Variants in ZC3H12B observed in about 807,000 individuals in gnomAD.
ZC3H12B encodes the protein zinc finger CCCH-type containing 12B.
In ZC3H12B, 7 loss-of-function variants were observed where a neutral mutation model predicts 43.9. The observed-to-expected ratio is 0.16, with a 90% CI of 0.09 to 0.30. The LOEUF (loss-of-function observed/expected upper bound fraction) is 0.30, where lower values mean the gene tolerates loss of function less well. Ranked by LOEUF, ZC3H12B falls within the 10% of genes least tolerant of loss-of-function variation. The pLI is 1.00. For missense variants in ZC3H12B, 475 were observed against 670.2 expected (o/e 0.71, Z 3.22); for synonymous variants, 222 against 241.7 (o/e 0.92, Z 0.76).
chrX:65,183,026 G>T, the ZC3H12B span, among the ~76,000 whole-genome samples: 1 of 111,704 alleles, frequency 9.0e-6, no homozygotes, highest in African/African-American at 3.2e-5. Context: ...ATTTCTCAAA[G>T]AACTTAAAAC....
At chrX:65,135,751 T>TTTTC in the ZC3H12B span, among the ~76,000 whole-genome samples, 53 of 78,263 alleles carry the variant, frequency 6.8e-4, no homozygotes, top group African/African-American at 3.3e-3. Flanking sequence ...GTTTGTTTTC[T>TTTTC]TTTTTTTTTT....
intron 3 of ZC3H12B, among the ~76,000 whole-genome samples, chrX:65,443,727 C>A (rs2067336881): frequency 8.9e-6 from 1 of 112,288 alleles, no homozygotes; most frequent in Admixed American, 9.4e-5. Flanking sequence ...TTCCTGTAAA[C>A]CCACAACCTT....
chrX:65,187,566 G>C, the ZC3H12B span, among the ~76,000 whole-genome samples: 1 of 110,728 alleles, frequency 9.0e-6, no homozygotes, highest in Non-Finnish European at 1.9e-5. Context: ...ATTTAGTCAA[G>C]TCTATGGTAG....
chrX:65,476,960 T>C (rs1323781298), intron 3 of ZC3H12B, among the ~76,000 whole-genome samples: 2 of 107,886 alleles, frequency 1.9e-5, no homozygotes, highest in African/African-American at 6.8e-5. Context: ...TAGCTGGGAC[T>C]ACAGACATGC....
the ZC3H12B span, among the ~76,000 whole-genome samples, chrX:65,314,534 G>C: frequency 2.7e-5 from 3 of 111,861 alleles, no homozygotes; most frequent in Non-Finnish European, 3.8e-5. Flanking sequence ...TATCCATCCA[G>C]AATTTTATAT....
the ZC3H12B span, among the ~76,000 whole-genome samples, chrX:65,259,498 C>T: frequency 9.0e-6 from 1 of 111,469 alleles, no homozygotes; most frequent in East Asian, 2.8e-4. Context: ...GGATATAGGA[C>T]CTACCAAAGA....
the ZC3H12B span, among the ~76,000 whole-genome samples, chrX:65,162,672 A>T: frequency 1.8e-5 from 2 of 111,101 alleles, no homozygotes; most frequent in African/African-American, 3.3e-5. Flanking sequence ...ATTCGTCTAA[A>T]TTTTTTTCAA....
rs1207198844 is a variant in ZC3H12B at position 65,393,349 on chromosome X, G to A, written n.296-5244G>A. 9.0e-5 allele frequency among the ~76,000 whole-genome samples: 10 copies of A among 111,613 alleles called. No homozygotes were observed. The East Asian group carries it at 1.4e-3, about 16-fold the overall frequency. On this transcript the variant is annotated intron_variant and non_coding_transcript_variant, in intron 2 of 5. Coordinates refer to the ZC3H12B transcript ENST00000617377. ...CTTAACGTGCAGGTTTGTTACATAG[G>A]TATACATGTGCCATGGTGGTTTGCT... is the stretch of plus-strand genomic sequence containing the variant.
At chrX:65,181,316 G>T in the ZC3H12B span, among the ~76,000 whole-genome samples, 2 of 111,414 alleles carry the variant, frequency 1.8e-5, no homozygotes, top group Non-Finnish European at 3.8e-5. Context: ...AGAAAACCTA[G>T]GCAATACCAT....
exon 2 of ZC3H12B, chrX:65,497,234 G>T: frequency 8.3e-7 from 1 of 1,211,246 alleles, no homozygotes; most frequent in Non-Finnish European, 1.1e-6. Context: ...TGCCTGCATG[G>T]AGAAAGGAGC....
chrX:65,485,526 G>T (rs998716184), upstream of ZC3H12B, among the ~76,000 whole-genome samples: 1 of 112,684 alleles, frequency 8.9e-6, no homozygotes, highest in East Asian at 2.8e-4. Flanking sequence ...AAAGCGCTGG[G>T]ATTATAGGCT....
At chrX:65,162,880 T>C in the ZC3H12B span, among the ~76,000 whole-genome samples, 1 of 112,233 alleles carries the variant, frequency 8.9e-6, no homozygotes, top group Non-Finnish European at 1.9e-5. Context: ...GCTCTGTTTT[T>C]TCCCCATCTG....
chrX:65,202,428 G>A, the ZC3H12B span, among the ~76,000 whole-genome samples: 2 of 108,433 alleles, frequency 1.8e-5, no homozygotes, highest in Admixed American at 1.0e-4. Flanking sequence ...CTAAGGTTTT[G>A]GTCATTGCAG....
chrX:65,504,915 G>A (rs1602549111), exon 5 of ZC3H12B: 2 of 112,496 alleles, frequency 1.8e-5, no homozygotes, highest in African/African-American at 6.5e-5. Context: ...TTTACTAATA[G>A]CTGGCTCAGT....
chrX:65,228,599 T>C, the ZC3H12B span, among the ~76,000 whole-genome samples: 6 of 111,694 alleles, frequency 5.4e-5, no homozygotes, highest in Non-Finnish European at 1.1e-4. Flanking sequence ...AAATTGTCCC[T>C]GTTTGCAGAT....
chrX:65,119,191 T>A, the ZC3H12B span, among the ~76,000 whole-genome samples: 1 of 111,372 alleles, frequency 9.0e-6, no homozygotes, highest in Non-Finnish European at 1.9e-5. Context: ...GGTCAAATGG[T>A]ATTTCTAGTT....
At chrX:65,430,983 G>T (rs1416363909) in intron 3 of ZC3H12B, among the ~76,000 whole-genome samples, 1 of 111,915 alleles carries the variant, frequency 8.9e-6, no homozygotes, top group Non-Finnish European at 1.9e-5. Flanking sequence ...GAGTGCCATG[G>T]ACTGCAGCTG....
At chrX:65,318,625 G>A in the ZC3H12B span, among the ~76,000 whole-genome samples, 1 of 110,704 alleles carries the variant, frequency 9.0e-6, no homozygotes, top group Non-Finnish European at 1.9e-5. Flanking sequence ...TCACCATGTT[G>A]ACCAGGCTCG....
At chrX:65,102,569 AC>A in the ZC3H12B span, among the ~76,000 whole-genome samples, 6 of 112,188 alleles carry the variant, frequency 5.3e-5, no homozygotes, top group East Asian at 1.7e-3. Flanking sequence ...TGCAAAAATT[AC>A]AAGCATTTCT....
Sources: allele counts gnomAD v4.1 joint callset (sites outside exome capture counted in the v4.1 genomes callset), GRCh38; gene constraint gnomAD v4.1.1; transcripts MANE v1.5; gene names NCBI Gene and HGNC (gene_info 2026-07-23, HGNC 2026-07-21).